Variants in ERG observed in about 807,000 individuals in gnomAD.
ERG encodes the protein transcriptional regulator ERG.
A neutral mutation model predicts 55.3 loss-of-function variants in ERG; 9 were observed. The ratio of observed to expected loss-of-function variants is 0.16; its 90% CI spans 0.10 to 0.28. ERG has a LOEUF of 0.28. Among genes scored for constraint, ERG ranks in the 10% least tolerant of loss-of-function variants. ERG has a pLI of 1.00. For synonymous variants in ERG, 223 were observed against 237.3 expected, an observed-to-expected ratio of 0.94 and a Z score of 0.55; for missense variants, 434 against 631.6, an observed-to-expected ratio of 0.69 and a Z score of 3.35.
At chr21:38,456,521 G>C (rs749538942) in intron 1 of ERG, among the ~76,000 whole-genome samples, 1 of 152,244 alleles carries the variant, frequency 6.6e-6, no homozygotes, top group African/African-American at 2.4e-5. Context: ...CTGGCAGACA[G>C]AGGAGCACAT....
At chr21:38,604,076 G>A (rs1341277122) in intron 1 of ERG, among the ~76,000 whole-genome samples, 2 of 146,714 alleles carry the variant, frequency 1.4e-5, no homozygotes, top group Non-Finnish European at 3.0e-5. Flanking sequence ...GTGAAACCCC[G>A]TCTCTACTAA....
At chr21:38,459,036 C>T (rs1375240219) in intron 1 of ERG, among the ~76,000 whole-genome samples, 6 of 152,178 alleles carry the variant, frequency 3.9e-5, no homozygotes, top group South Asian at 2.1e-4. Context: ...AATTCCATCC[C>T]CCATCTCTTT....
rs77891753 is a variant in ERG, at chr21:38,445,138, CTT to C, written c.236+264_236+265del. ...GGCCTTTCTTTCTTTCTTTCTTCTT[CTT>C]TTTTTTTTTTTTTTTTTGTTAGCCA... On this transcript the variant is annotated intron_variant, in intron 2 of 9. Transcript: ENST00000288319. Among the ~76,000 whole-genome samples the C allele has an allele frequency of 6.1e-3, 829 of 136,618 alleles. 11 individuals are homozygous for C. Among genetic ancestry groups the C allele is most frequent in the African/African-American group, 0.021 (760 of 36,708 alleles). 89.6% of individuals were successfully genotyped at this position (136,618 alleles called of 152,430 possible).
chr21:38,388,977 T>C (rs1385205405), intron 9 of ERG, among the ~76,000 whole-genome samples: 3 of 152,250 alleles, frequency 2.0e-5, no homozygotes, highest in Non-Finnish European at 2.9e-5. Context: ...TGGACATATA[T>C]GTTTCATTTG....
chr21:38,397,722 T>A (rs558646934), intron 6 of ERG, among the ~76,000 whole-genome samples: 1 of 150,500 alleles, frequency 6.6e-6, no homozygotes, highest in South Asian at 2.1e-4. Context: ...GGTGAGGAAG[T>A]GCTGGGAAGG....
chr21:38,537,932 T>C lies in ERG; in HGVS notation c.-41+37730A>G, dbSNP rs536404433. 2.0e-5 allele frequency among the ~76,000 whole-genome samples: 3 copies of C among 152,290 alleles called. No individual in the cohort carries two copies. The South Asian group carries it at 6.2e-4, about 32-fold the overall frequency. ...TCCACAGATGAGTGGATAAACAAAA[T>C]GTGATATACACATATCATGGGATAT... On this transcript the variant is annotated intron_variant, in intron 2 of 8. Coordinates refer to the ERG transcript ENST00000398897.
At chr21:38,462,869 C>G (rs2836417) in intron 1 of ERG, among the ~76,000 whole-genome samples, 15,402 of 152,180 alleles carry the variant, frequency 0.1, 887 homozygotes, top group South Asian at 0.24. Flanking sequence ...AGTGGCCTGT[C>G]TTATGGCAAA....
intron 2 of ERG, among the ~76,000 whole-genome samples, chr21:38,557,072 T>G (rs558354055): frequency 1.1e-3 from 174 of 152,248 alleles, no homozygotes; most frequent in South Asian, 3.3e-3. Flanking sequence ...TGTGGGACTC[T>G]CCACTGAACT....
At chr21:38,431,671 G>C (rs1759974264) in intron 2 of ERG, among the ~76,000 whole-genome samples, 1 of 152,136 alleles carries the variant, frequency 6.6e-6, no homozygotes, top group Admixed American at 6.5e-5. Flanking sequence ...TGATGACAAG[G>C]TTTGAGGTAT....
chr21:38,379,001 C>G (rs1392231152), downstream of ERG, among the ~76,000 whole-genome samples: 3 of 152,120 alleles, frequency 2.0e-5, no homozygotes, highest in Non-Finnish European at 4.4e-5. Context: ...AGTCATGGCT[C>G]ATTAAAAGCT....
intron 1 of ERG, among the ~76,000 whole-genome samples, chr21:38,454,642 A>G (rs1004453789): frequency 6.6e-6 from 1 of 152,164 alleles, no homozygotes; most frequent in Non-Finnish European, 1.5e-5. Context: ...AAATCTTAAT[A>G]TTGTATTTAA....
At chr21:38,369,158 T>C in the ERG span, among the ~76,000 whole-genome samples, 2 of 152,252 alleles carry the variant, frequency 1.3e-5, no homozygotes, top group African/African-American at 4.8e-5. Context: ...AATCGAATGG[T>C]ATTTCTGTCT....
At chr21:38,378,786 C>T (rs780928371), downstream of ERG, among the ~76,000 whole-genome samples, 3 of 152,162 alleles carry the variant, frequency 2.0e-5, no homozygotes, top group Non-Finnish European at 2.9e-5. Flanking sequence ...GTCACCTTCC[C>T]GTTTAATTTT....
Position 38,382,509 on chromosome 21 carries a change from T to TC in ERG, c.*893dup, listed in dbSNP as rs1429032938. ...ATTTTTGTTTCTGAATTCTACTACTTCCCCTTTCTCCATTACGCTGTGTCC... is the reference window on the plus strand; with the variant it reads ...ATTTTTGTTTCTGAATTCTACTACTTCCCCCTTTCTCCATTACGCTGTGTCC... On this transcript the variant is annotated 3_prime_UTR_variant, in exon 10 of 10. Transcript: ENST00000288319. 2 of 1,065,070 alleles carry TC rather than the reference T, an allele frequency of 1.9e-6. No individual in the cohort carries two copies. The highest frequency in any genetic ancestry group is 2.3e-6 in the Non-Finnish European group (2 of 878,916). The allele number at this position is 1,065,070 out of a possible 1,614,324, so 66.0% of individuals were successfully genotyped here. A position where few individuals can be genotyped will look rare whatever the true frequency, so the allele number is the denominator to read the frequency against.
At chr21:38,507,375 C>A in intron 2 of ERG, among the ~76,000 whole-genome samples, 1 of 152,194 alleles carries the variant, frequency 6.6e-6, no homozygotes, top group East Asian at 1.9e-4. Context: ...TTTCAATCAA[C>A]CAGTAACTTT....
At chr21:38,535,847 C>G (rs1436592092) in intron 2 of ERG, among the ~76,000 whole-genome samples, 1 of 152,162 alleles carries the variant, frequency 6.6e-6, no homozygotes, top group African/African-American at 2.4e-5. Context: ...AAGAGGAATA[C>G]AGATAAAACG....
chr21:38,416,712 TATG>T (rs2146486908), intron 3 of ERG, among the ~76,000 whole-genome samples: 1 of 152,302 alleles, frequency 6.6e-6, no homozygotes, highest in Admixed American at 6.5e-5. Flanking sequence ...CAAAATAAAG[TATG>T]ATAACAAAAT....
intron 2 of ERG, among the ~76,000 whole-genome samples, chr21:38,517,717 C>T (rs1185140882): frequency 6.6e-6 from 1 of 152,066 alleles, no homozygotes; most frequent in East Asian, 1.9e-4. Flanking sequence ...AAATGTCCAT[C>T]CACAGATGAA....
At chr21:38,548,510 C>T (rs895549939) in intron 2 of ERG, among the ~76,000 whole-genome samples, 5 of 148,778 alleles carry the variant, frequency 3.4e-5, no homozygotes, top group Admixed American at 6.7e-5. Flanking sequence ...TGCAGTGGTG[C>T]GATCTCTGCT....
Sources: gnomAD v4.1 joint callset for allele counts (sites outside exome capture counted in the v4.1 genomes callset) on GRCh38, gnomAD v4.1.1 for gene constraint, MANE v1.5 for transcripts, NCBI Gene and HGNC (gene_info 2026-07-23, HGNC 2026-07-21) for gene names.